Variants in ERC2 observed in about 807,000 individuals in gnomAD.
ERC2 encodes the protein ERC protein 2.
ERC2 carries 42 observed loss-of-function variants against 114.8 expected under a neutral mutation model. The ratio of observed to expected loss-of-function variants is 0.37; its 90% CI spans 0.29 to 0.47. ERC2 has a LOEUF of 0.47. ERC2 is among the 20% of genes least tolerant of loss of function. The probability of loss-of-function intolerance (pLI) is 0.99; values close to 1 mark genes in which losing one functional copy is unlikely to be tolerated. For synonymous variants in ERC2, 454 were observed against 425.5 expected (o/e 1.07, Z -0.82); for missense variants, 939 against 1,150.7 (o/e 0.82, Z 2.66).
chr3:55,603,980 C>A lies in ERC2; in HGVS notation c.*39+79814G>T, dbSNP rs370077812. On this transcript the variant is annotated intron_variant, in intron 17 of 17. Transcript: ENST00000288221. ...TGCAAAACAGATGATTTCACCCCCC[C>A]CAGCATGTCTCTCCGGCCACGTTTA... is the stretch of plus-strand genomic sequence containing the variant. Among the ~76,000 whole-genome samples the A allele has an allele frequency of 2.6e-5, 4 of 152,298 alleles. No homozygotes were observed. In the East Asian group the frequency reaches 5.8e-4, roughly 22 times the overall value.
chr3:56,364,997 G>A (rs571149721), intron 2 of ERC2, among the ~76,000 whole-genome samples: 3 of 152,246 alleles, frequency 2.0e-5, no homozygotes, highest in South Asian at 2.1e-4. Flanking sequence ...TTTCCTCATC[G>A]GAACAATGGG....
intron 3 of ERC2, among the ~76,000 whole-genome samples, chr3:56,240,831 A>AT (rs1448486679): frequency 6.6e-6 from 1 of 152,160 alleles, no homozygotes; most frequent in Non-Finnish European, 1.5e-5. Flanking sequence ...TCTTTTTAAA[A>AT]TTTTTTTATA....
chr3:55,561,831 C>T (rs538290501), intron 17 of ERC2, among the ~76,000 whole-genome samples: 53 of 152,212 alleles, frequency 3.5e-4, no homozygotes, highest in Non-Finnish European at 6.5e-4. Context: ...CTTGGCCATG[C>T]CATATTATTA....
chr3:56,064,247 C>T (rs1012647814), intron 7 of ERC2, among the ~76,000 whole-genome samples: 1 of 152,192 alleles, frequency 6.6e-6, no homozygotes, highest in Non-Finnish European at 1.5e-5. Flanking sequence ...AGAAACGTGT[C>T]GGTAACATGG....
chr3:56,103,727 CA>C (rs927598317), intron 6 of ERC2, among the ~76,000 whole-genome samples: 1 of 150,906 alleles, frequency 6.6e-6, no homozygotes, highest in Non-Finnish European at 1.5e-5. Context: ...AATAATTTAA[CA>C]AAAAAACTAG....
intron 14 of ERC2, among the ~76,000 whole-genome samples, chr3:55,784,712 A>C (rs1447075970): frequency 1.3e-5 from 2 of 152,202 alleles, no homozygotes; most frequent in Non-Finnish European, 2.9e-5. Context: ...AATCACTATA[A>C]TGTAGCTGAA....
chr3:56,459,130 G>A (rs1490805034), intron 1 of ERC2, among the ~76,000 whole-genome samples: 2 of 152,094 alleles, frequency 1.3e-5, no homozygotes, highest in Admixed American at 1.3e-4. Context: ...ATCACCTCAG[G>A]CCCATAGAGG....
intron 4 of ERC2, among the ~76,000 whole-genome samples, chr3:56,170,296 G>C (rs987293998): frequency 6.6e-6 from 1 of 152,192 alleles, no homozygotes; most frequent in Admixed American, 6.5e-5. Flanking sequence ...ACTGCCCCCA[G>C]TTTGATGCAG....
chr3:56,440,173 C>T (rs2062220969), intron 1 of ERC2, among the ~76,000 whole-genome samples: 1 of 152,172 alleles, frequency 6.6e-6, no homozygotes. Flanking sequence ...TCCTGTCACT[C>T]ATAGATAACC....
At chr3:55,828,766 G>A (rs2060441610) in intron 14 of ERC2, among the ~76,000 whole-genome samples, 1 of 151,670 alleles carries the variant, frequency 6.6e-6, no homozygotes, top group African/African-American at 2.4e-5. Context: ...ACCTAACCAG[G>A]TTGACTGCTA....
chr3:55,896,931 G>T (rs1576079672), intron 13 of ERC2, among the ~76,000 whole-genome samples: 1 of 152,150 alleles, frequency 6.6e-6, no homozygotes, highest in African/African-American at 2.4e-5. Context: ...TAAAATAGTT[G>T]TTACCAGGAA....
chr3:55,767,997 G>A (rs1400020714), intron 14 of ERC2, among the ~76,000 whole-genome samples: 1 of 152,100 alleles, frequency 6.6e-6, no homozygotes, highest in Non-Finnish European at 1.5e-5. Flanking sequence ...TCATAATAGT[G>A]AGTTCTCACA....
intron 14 of ERC2, among the ~76,000 whole-genome samples, chr3:55,749,481 G>A (rs2066524529): frequency 6.6e-6 from 1 of 152,166 alleles, no homozygotes; most frequent in South Asian, 2.1e-4. Context: ...GAACTTTTCT[G>A]ACAAGAGGAT....
chr3:55,717,088 C>T (rs1471773862), intron 15 of ERC2, among the ~76,000 whole-genome samples: 2 of 151,960 alleles, frequency 1.3e-5, no homozygotes, highest in East Asian at 1.9e-4. Context: ...GCTTGCTGGG[C>T]GATGTTAAAA....
At position 55,884,976 on chromosome 3, in the gene ERC2, T is replaced by A. The variant is rs118118718; in HGVS notation, c.2564+3413A>T. ...ACCTCCATTTTACTGAAGAGAAAAC[T>A]GAGGCAACCAGAGAGTGATGTTTAA... On this transcript the variant is annotated intron_variant, in intron 14 of 17. Transcript: ENST00000288221. Among the ~76,000 whole-genome samples, 489 of 152,250 alleles carry A rather than the reference T, an allele frequency of 3.2e-3. 9 individuals carry two copies. Among genetic ancestry groups the A allele is most frequent in the East Asian group, 0.014 (72 of 5,178 alleles).
intron 7 of ERC2, among the ~76,000 whole-genome samples, chr3:56,080,530 G>T (rs1480117291): frequency 1.3e-5 from 2 of 152,068 alleles, no homozygotes; most frequent in Non-Finnish European, 2.9e-5. Flanking sequence ...GGGACCTTTG[G>T]TTATTTTAGA....
chr3:56,115,100 T>C (rs959967815), intron 6 of ERC2, among the ~76,000 whole-genome samples: 3 of 152,168 alleles, frequency 2.0e-5, no homozygotes, highest in Non-Finnish European at 4.4e-5. Flanking sequence ...GACCAGTAAA[T>C]TGGCTCATCT....
chr3:55,918,463 G>T (rs1419622176), intron 13 of ERC2, among the ~76,000 whole-genome samples: 5 of 152,088 alleles, frequency 3.3e-5, no homozygotes, highest in African/African-American at 7.2e-5. Flanking sequence ...TAAAGTTAAA[G>T]ATGTGTGAAA....
intron 3 of ERC2, among the ~76,000 whole-genome samples, chr3:56,270,665 G>A (rs1324022157): frequency 6.6e-6 from 1 of 152,076 alleles, no homozygotes; most frequent in Non-Finnish European, 1.5e-5. Context: ...AAGATCTATG[G>A]CTGAAAACAA....
Sources: gnomAD v4.1 joint callset for allele counts (sites outside exome capture counted in the v4.1 genomes callset) on GRCh38, gnomAD v4.1.1 for gene constraint, MANE v1.5 for transcripts, NCBI Gene and HGNC (gene_info 2026-07-23, HGNC 2026-07-21) for gene names.